Variants in GPC5 observed in about 807,000 individuals in gnomAD.
GPC5 encodes glypican-5.
In GPC5, 47 loss-of-function variants were observed where a neutral mutation model predicts 53.9. That is an observed-to-expected ratio of 0.87 (90% CI 0.69 to 1.11). The LOEUF is 1.11. Ranked by LOEUF, GPC5 falls within the 50% of genes most tolerant of loss-of-function variation. GPC5 has a pLI of 0.00. For synonymous variants in GPC5, 286 were observed against 263.3 expected, an observed-to-expected ratio of 1.09 and a Z score of -0.84; for missense variants, 748 against 713.1, an observed-to-expected ratio of 1.05 and a Z score of -0.56.
In GPC5 at chr13:92,235,435, A is replaced by C. The variant is rs557334232; in HGVS notation, c.1561+90446A>C. On this transcript the variant is annotated intron_variant, in intron 7 of 7. Transcript: ENST00000377067. ...AAGTTGTTGTTCATGAGAAAATTGCATATTTATAAGGATGTTTTCCTCAAT... is the reference window on the plus strand; with the variant it reads ...AAGTTGTTGTTCATGAGAAAATTGCCTATTTATAAGGATGTTTTCCTCAAT... 8.6e-4 allele frequency among the ~76,000 whole-genome samples: 131 copies of C among 152,256 alleles called. 2 individuals carry two copies. The Middle Eastern group carries it at 0.014, about 16-fold the overall frequency.
chr13:92,607,748 A>G (rs1168789959), intron 7 of GPC5, among the ~76,000 whole-genome samples: 1 of 152,202 alleles, frequency 6.6e-6, no homozygotes, highest in Non-Finnish European at 1.5e-5. Context: ...TATGCATTTC[A>G]TCACATACTT....
chr13:92,524,703 T>A (rs1881207500), intron 7 of GPC5, among the ~76,000 whole-genome samples: 1 of 152,090 alleles, frequency 6.6e-6, no homozygotes. Context: ...TGTATATTGA[T>A]TATTGTAGAT....
chr13:92,459,664 C>A lies in GPC5; in HGVS notation c.1561+314675C>A, dbSNP rs146410392. Among the ~76,000 whole-genome samples, 624 of 152,278 alleles carry A rather than the reference C, an allele frequency of 4.1e-3. 3 individuals carry two copies. The highest frequency in any genetic ancestry group is 9.9e-3 in the Admixed American group (152 of 15,286). On this transcript the variant is annotated intron_variant, in intron 7 of 7. Coordinates refer to ENST00000377067, the MANE Select transcript of GPC5 (RefSeq NM_004466.6). The stretch of plus-strand genomic sequence containing the variant: ...TCTTTTGAATGCACATATTAGTTCT[C>A]AAATTTTTTTGCCTTATTTAATAAT...
intron 5 of GPC5, among the ~76,000 whole-genome samples, chr13:91,800,832 A>G (rs771964428): frequency 4.6e-5 from 7 of 152,000 alleles, no homozygotes; most frequent in African/African-American, 1.7e-4. Flanking sequence ...TATGTGTAGT[A>G]TATATACTTT....
At chr13:91,791,398 GCT>G (rs1320504423) in intron 5 of GPC5, among the ~76,000 whole-genome samples, 1 of 152,118 alleles carries the variant, frequency 6.6e-6, no homozygotes, top group Non-Finnish European at 1.5e-5. Context: ...CTTCTCACAT[GCT>G]GTAGCACTCC....
At chr13:92,414,751 AAGGC>A (rs1876206300) in intron 7 of GPC5, among the ~76,000 whole-genome samples, 1 of 152,148 alleles carries the variant, frequency 6.6e-6, no homozygotes, top group Admixed American at 6.5e-5. Flanking sequence ...GTCCAAGAGA[AAGGC>A]AGTGGTAGAT....
chr13:91,993,298 A>G (rs2040473797), intron 6 of GPC5, among the ~76,000 whole-genome samples: 1 of 152,004 alleles, frequency 6.6e-6, no homozygotes, highest in Non-Finnish European at 1.5e-5. Context: ...GCAAACTGCA[A>G]TTCTACACTT....
intron 6 of GPC5, among the ~76,000 whole-genome samples, chr13:91,967,181 T>G (rs1390574862): frequency 6.6e-6 from 1 of 152,074 alleles, no homozygotes; most frequent in East Asian, 1.9e-4. Context: ...GGGGTTTCCC[T>G]TTATAAAACC....
chr13:92,697,395 C>T (rs544547971), intron 7 of GPC5, among the ~76,000 whole-genome samples: 276 of 152,202 alleles, frequency 1.8e-3, no homozygotes, highest in African/African-American at 6.2e-3. Context: ...TTGTAGTTCT[C>T]CTTGAAGAGG....
intron 5 of GPC5, among the ~76,000 whole-genome samples, chr13:91,769,099 A>G (rs1466210996): frequency 6.6e-6 from 1 of 152,214 alleles, no homozygotes; most frequent in African/African-American, 2.4e-5. Flanking sequence ...CAAAATCTAC[A>G]GGGAATGCTA....
intron 6 of GPC5, among the ~76,000 whole-genome samples, chr13:91,946,033 G>T (rs188513689): frequency 3.3e-5 from 5 of 152,148 alleles, no homozygotes; most frequent in Admixed American, 6.5e-5. Context: ...GGGGGCGGGG[G>T]CTTCTACTTC....
At chr13:92,634,081 T>C (rs551547259) in intron 7 of GPC5, among the ~76,000 whole-genome samples, 2 of 151,946 alleles carry the variant, frequency 1.3e-5, no homozygotes, top group South Asian at 4.2e-4. Flanking sequence ...AAAATTATCC[T>C]CACATTGTTG....
intron 7 of GPC5, chr13:92,706,123 T>C (rs1431858888): frequency 1.3e-5 from 2 of 151,988 alleles, no homozygotes; most frequent in Admixed American, 6.6e-5. Context: ...TCAACAAATA[T>C]TAATATAATA....
chr13:92,758,637 T>C (rs2138733376), intron 7 of GPC5, among the ~76,000 whole-genome samples: 1 of 152,296 alleles, frequency 6.6e-6, no homozygotes, highest in South Asian at 2.1e-4. Context: ...CTGACGTCAC[T>C]TGTGTTTATA....
rs555748286 is a variant in GPC5 at position 91,731,777 on chromosome 13, C to T, written c.1154+3112C>T. Among the ~76,000 whole-genome samples, 30 of 152,210 alleles carry T rather than the reference C, an allele frequency of 2.0e-4. No homozygotes were observed. The South Asian group carries it at 5.0e-3, about 25-fold the overall frequency. ...GTTCCCACTTAGGAGTGAGAACATGCGGTGTTTGGTTTTCTGTTCCTGTGT... is the reference window on the plus strand; with the variant it reads ...GTTCCCACTTAGGAGTGAGAACATGTGGTGTTTGGTTTTCTGTTCCTGTGT... On this transcript the variant is annotated intron_variant, in intron 4 of 7. Coordinates refer to ENST00000377067, the MANE Select transcript of GPC5 (RefSeq NM_004466.6).
chr13:91,902,134 G>A (rs2039504191), intron 5 of GPC5, among the ~76,000 whole-genome samples: 1 of 151,980 alleles, frequency 6.6e-6, no homozygotes, highest in African/African-American at 2.4e-5. Context: ...CCCTGAAACT[G>A]TGTAAGTGCA....
chr13:91,863,463 C>A (rs73614153), intron 5 of GPC5, among the ~76,000 whole-genome samples: 3,360 of 152,186 alleles, frequency 0.022, 118 homozygotes, highest in African/African-American at 0.077. Flanking sequence ...GTACCTAGTG[C>A]AAAACACTAA....
At chr13:92,514,949 G>A (rs1329759170) in intron 7 of GPC5, among the ~76,000 whole-genome samples, 3 of 152,202 alleles carry the variant, frequency 2.0e-5, no homozygotes, top group African/African-American at 4.8e-5. Flanking sequence ...CTCACTCATC[G>A]TGACTGGCAG....
At chr13:92,698,378 C>A (rs1277210678) in intron 7 of GPC5, among the ~76,000 whole-genome samples, 2 of 151,948 alleles carry the variant, frequency 1.3e-5, no homozygotes, top group Non-Finnish European at 2.9e-5. Flanking sequence ...CATGTGTTCT[C>A]ATTGTTCAAT....
Sources: gnomAD v4.1 joint callset for allele counts (sites outside exome capture counted in the v4.1 genomes callset) on GRCh38, gnomAD v4.1.1 for gene constraint, MANE v1.5 for transcripts, NCBI Gene and HGNC (gene_info 2026-07-23, HGNC 2026-07-21) for gene names.